CERS6: variants seen among roughly 807,000 people sequenced by gnomAD.
The protein encoded by CERS6 is ceramide synthase 6.
Under a neutral mutation model 56.8 loss-of-function variants are expected in CERS6, and 26 were observed. The ratio of observed to expected loss-of-function variants is 0.46; its 90% CI spans 0.34 to 0.63. The LOEUF is 0.63. Ranked by LOEUF, CERS6 falls within the 30% of genes least tolerant of loss-of-function variation. CERS6 has a pLI of 0.01. For synonymous variants in CERS6, 164 were observed against 173.3 expected, an observed-to-expected ratio of 0.95 and a Z score of 0.42; for missense variants, 415 against 467.5, an observed-to-expected ratio of 0.89 and a Z score of 1.04.
intron 1 of CERS6, among the ~76,000 whole-genome samples, chr2:168,518,478 C>T (rs1312754984): frequency 6.6e-6 from 1 of 152,192 alleles, no homozygotes; most frequent in Non-Finnish European, 1.5e-5. Flanking sequence ...AAATGACTTA[C>T]TCCATACTTT....
intron 4 of CERS6, among the ~76,000 whole-genome samples, chr2:168,666,375 C>A (rs1685762462): frequency 6.6e-6 from 1 of 152,184 alleles, no homozygotes; most frequent in African/African-American, 2.4e-5. Flanking sequence ...CAAAGTTTTA[C>A]CTTTTTCAGA....
intron 8 of CERS6, among the ~76,000 whole-genome samples, chr2:168,731,665 A>G (rs10192675): frequency 0.019 from 2,819 of 151,934 alleles, 79 homozygotes; most frequent in African/African-American, 0.059. Flanking sequence ...CCATGCAGTC[A>G]TCCAAGGAAG....
intron 4 of CERS6, among the ~76,000 whole-genome samples, chr2:168,633,660 A>T (rs1684799768): frequency 6.6e-6 from 1 of 152,310 alleles, no homozygotes; most frequent in Non-Finnish European, 1.5e-5. Flanking sequence ...TGTATATTTT[A>T]AAAATATTTT....
chr2:168,594,782 C>A (rs1683757749), intron 3 of CERS6, among the ~76,000 whole-genome samples: 1 of 152,082 alleles, frequency 6.6e-6, no homozygotes, highest in African/African-American at 2.4e-5. Context: ...TTCCCTGAGC[C>A]CCTGTGGAAC....
At chr2:168,459,684 C>T (rs1693744428) in intron 1 of CERS6, among the ~76,000 whole-genome samples, 1 of 151,660 alleles carries the variant, frequency 6.6e-6, no homozygotes. Context: ...AAATTGTATA[C>T]CATTATATTA....
At chr2:168,749,515 A>G (rs1251780187) in intron 8 of CERS6, among the ~76,000 whole-genome samples, 1 of 152,168 alleles carries the variant, frequency 6.6e-6, no homozygotes, top group Non-Finnish European at 1.5e-5. Context: ...CTAAAACTTG[A>G]CAGTCTGAGC....
At chr2:168,651,840 G>A (rs923267203) in intron 4 of CERS6, among the ~76,000 whole-genome samples, 3 of 152,176 alleles carry the variant, frequency 2.0e-5, no homozygotes, top group Admixed American at 1.3e-4. Flanking sequence ...ACATACGTAA[G>A]CCCTCATCAC....
chr2:168,590,692 C>A (rs1034720869), intron 3 of CERS6, among the ~76,000 whole-genome samples: 1 of 152,168 alleles, frequency 6.6e-6, no homozygotes, highest in Non-Finnish European at 1.5e-5. Flanking sequence ...TAAAGCACTA[C>A]ACTTAAATGT....
intron 8 of CERS6, among the ~76,000 whole-genome samples, chr2:168,762,845 A>T (rs868659796): frequency 3.6e-4 from 55 of 152,046 alleles, no homozygotes; most frequent in African/African-American, 1.3e-3. Context: ...GGAAGAACCT[A>T]TTTGTCTATT....
At chr2:168,768,722 A>ATT (rs1684785474) in intron 9 of CERS6, among the ~76,000 whole-genome samples, 1 of 151,938 alleles carries the variant, frequency 6.6e-6, no homozygotes, top group Non-Finnish European at 1.5e-5. Flanking sequence ...CCTGGCCAAC[A>ATT]TAGTGAAACC....
At chr2:168,458,844 G>C (rs1693726623) in intron 1 of CERS6, among the ~76,000 whole-genome samples, 1 of 152,146 alleles carries the variant, frequency 6.6e-6, no homozygotes, top group Non-Finnish European at 1.5e-5. Context: ...CAATTTAGTT[G>C]TATCTAGAGT....
chr2:168,548,093 G>A (rs114400540), intron 2 of CERS6, among the ~76,000 whole-genome samples: 264 of 152,270 alleles, frequency 1.7e-3, no homozygotes, highest in Middle Eastern at 0.01. Context: ...GGACCTCTTG[G>A]CTTGTAGCAT....
intron 1 of CERS6, among the ~76,000 whole-genome samples, chr2:168,466,427 A>G (rs766520637): frequency 6.6e-6 from 1 of 152,198 alleles, no homozygotes; most frequent in African/African-American, 2.4e-5. Flanking sequence ...AGTGAAGATC[A>G]GATTTCATCT....
intron 4 of CERS6, among the ~76,000 whole-genome samples, chr2:168,674,988 T>G (rs1686018913): frequency 1.4e-5 from 1 of 71,280 alleles, no homozygotes; most frequent in African/African-American, 4.4e-5. Flanking sequence ...ATTTATTTAT[T>G]TATTTAGAGG....
At chr2:168,607,374 A>G (rs1684076988) in intron 3 of CERS6, among the ~76,000 whole-genome samples, 1 of 152,068 alleles carries the variant, frequency 6.6e-6, no homozygotes, top group Admixed American at 6.6e-5. Flanking sequence ...AAACTAGTAT[A>G]TCTTTTTTTT....
At chr2:168,714,119 T>C (rs1264699172) in intron 6 of CERS6, among the ~76,000 whole-genome samples, 2 of 152,202 alleles carry the variant, frequency 1.3e-5, no homozygotes, top group Non-Finnish European at 2.9e-5. Context: ...TGTCTTCGTA[T>C]GGTGGAAGGG....
At chr2:168,622,607 C>G (rs1684499061) in intron 3 of CERS6, among the ~76,000 whole-genome samples, 1 of 152,170 alleles carries the variant, frequency 6.6e-6, no homozygotes, top group African/African-American at 2.4e-5. Flanking sequence ...AAATTAAGTT[C>G]ACCTTTGACT....
In CERS6 at chr2:168,770,964, A is replaced by T. The variant is rs1418140498; in HGVS notation, c.*1302A>T. On this transcript the variant is annotated 3_prime_UTR_variant, in exon 10 of 10. Coordinates refer to ENST00000305747, the MANE Select transcript of CERS6 (RefSeq NM_203463.3). ...AAATTACTGAAGAATAAGTTTCCAT[A>T]AGTCTCCTACATAGCAGTGTTATTT... 6.6e-6 allele frequency: 1 copy of T among 152,196 alleles called. No individual in the cohort carries two copies. Among genetic ancestry groups the T allele is most frequent in the African/African-American group, 2.4e-5 (1 of 41,460 alleles). 9.4% of individuals were successfully genotyped at this position (152,196 alleles called of 1,614,324 possible). A position where few individuals can be genotyped will look rare whatever the true frequency, so the allele number is the denominator to read the frequency against.
intron 8 of CERS6, among the ~76,000 whole-genome samples, chr2:168,749,605 C>T (rs1684202793): frequency 1.5e-5 from 1 of 68,942 alleles, no homozygotes; most frequent in South Asian, 3.8e-4. Context: ...AGTGAGGCTG[C>T]CCTTCTGCAG....
Sources: gnomAD v4.1 joint callset for allele counts (sites outside exome capture counted in the v4.1 genomes callset) on GRCh38, gnomAD v4.1.1 for gene constraint, MANE v1.5 for transcripts, NCBI Gene and HGNC (gene_info 2026-07-23, HGNC 2026-07-21) for gene names.